Variants in GALNT13 observed in about 807,000 individuals in gnomAD.
GALNT13 encodes the protein UDP-GalNAc:polypeptide N-acetylgalactosaminyltransferase 13.
A neutral mutation model predicts 64.2 loss-of-function variants in GALNT13; 28 were observed. That is an observed-to-expected ratio of 0.44 (90% CI 0.32 to 0.60). The LOEUF is 0.60. Ranked by LOEUF, GALNT13 falls within the 20% of genes least tolerant of loss-of-function variation. GALNT13 has a pLI of 0.05. For synonymous variants in GALNT13, 214 were observed against 224.6 expected (o/e 0.95, Z 0.42); for missense variants, 577 against 669.8 (o/e 0.86, Z 1.53).
At chr2:153,306,650 T>C in the GALNT13 span, among the ~76,000 whole-genome samples, 2 of 152,220 alleles carry the variant, frequency 1.3e-5, 1 homozygote, top group South Asian at 4.1e-4. Context: ...ATACCCTATA[T>C]GCGATTTTTG....
At chr2:153,309,530 T>C in the GALNT13 span, among the ~76,000 whole-genome samples, 1 of 7,690 alleles carries the variant, frequency 1.3e-4, no homozygotes, top group African/African-American at 1.0e-3. Flanking sequence ...TTGAAGCACT[T>C]TTTTTTTTTT....
chr2:153,902,604 G>A (rs962629349), intron 2 of GALNT13, among the ~76,000 whole-genome samples: 4 of 152,018 alleles, frequency 2.6e-5, no homozygotes, highest in African/African-American at 7.2e-5. Context: ...ATTTGTAGAG[G>A]GATAAGAATG....
At chr2:154,046,780 T>C (rs1176641062) in intron 3 of GALNT13, among the ~76,000 whole-genome samples, 1 of 152,028 alleles carries the variant, frequency 6.6e-6, no homozygotes, top group Non-Finnish European at 1.5e-5. Context: ...AAAAGGAAGA[T>C]TAAAAGCCAT....
chr2:154,141,610 T>A (rs1683264778), intron 4 of GALNT13, among the ~76,000 whole-genome samples: 1 of 152,320 alleles, frequency 6.6e-6, no homozygotes, highest in East Asian at 1.9e-4. Flanking sequence ...TCATCATATA[T>A]GTGATCTGTC....
Position 154,012,496 on chromosome 2 carries a change from A to AT in GALNT13, c.142+67863dup, listed in dbSNP as rs1336697413. 2.0e-5 allele frequency among the ~76,000 whole-genome samples: 3 copies of AT among 151,616 alleles called. No homozygotes were observed. The East Asian group carries it at 5.8e-4, about 29-fold the overall frequency. On this transcript the variant is annotated intron_variant, in intron 3 of 12. Coordinates refer to ENST00000392825, the MANE Select transcript of GALNT13 (RefSeq NM_052917.4). ...CTGCCCCTTCTCTCTAGCTGCCTTT[A>AT]TTTTTTCTTTCATTATGACCCTGGA...
chr2:154,043,813 C>A (rs2105332521), intron 3 of GALNT13, among the ~76,000 whole-genome samples: 1 of 152,130 alleles, frequency 6.6e-6, no homozygotes, highest in East Asian at 1.9e-4. Context: ...TGAGTAAGAG[C>A]TAGGCTTGGC....
At chr2:153,493,559 G>A in the GALNT13 span, among the ~76,000 whole-genome samples, 1 of 151,696 alleles carries the variant, frequency 6.6e-6, no homozygotes, top group South Asian at 2.1e-4. Context: ...ATTTGAAGAG[G>A]AAATAAGACC....
At chr2:153,189,033 C>T in the GALNT13 span, among the ~76,000 whole-genome samples, 1 of 152,138 alleles carries the variant, frequency 6.6e-6, no homozygotes, top group Non-Finnish European at 1.5e-5. Flanking sequence ...TAATTATAGT[C>T]ACCATACTCT....
chr2:153,509,998 A>T, the GALNT13 span, among the ~76,000 whole-genome samples: 1 of 152,180 alleles, frequency 6.6e-6, no homozygotes, highest in Non-Finnish European at 1.5e-5. Context: ...GATTGCACTT[A>T]TTTGAGAAAT....
At chr2:153,575,670 G>T in the GALNT13 span, among the ~76,000 whole-genome samples, 1 of 152,174 alleles carries the variant, frequency 6.6e-6, no homozygotes, top group African/African-American at 2.4e-5. Flanking sequence ...GCCACAGGGA[G>T]TACTGCCAGA....
At chr2:153,927,829 T>A (rs1690254735) in intron 2 of GALNT13, among the ~76,000 whole-genome samples, 1 of 152,092 alleles carries the variant, frequency 6.6e-6, no homozygotes, top group Non-Finnish European at 1.5e-5. Context: ...TTTAATGAGT[T>A]GTTTTGTTTT....
intron 9 of GALNT13, among the ~76,000 whole-genome samples, chr2:154,356,503 A>G (rs1696758702): frequency 1.3e-5 from 2 of 152,042 alleles, no homozygotes; most frequent in African/African-American, 4.8e-5. Flanking sequence ...GATGTCACAG[A>G]GTATTCTACA....
intron 1 of GALNT13, among the ~76,000 whole-genome samples, chr2:153,884,785 A>ATATATATATATATATATATATATG (rs1450308010): frequency 2.9e-4 from 36 of 122,492 alleles, no homozygotes; most frequent in South Asian, 1.5e-3. Flanking sequence ...ATATATATAT[A>ATATATATATATATATATATATATG]TGTGTGTGTA....
At chr2:153,514,614 C>T in the GALNT13 span, among the ~76,000 whole-genome samples, 1 of 152,170 alleles carries the variant, frequency 6.6e-6, no homozygotes, top group Admixed American at 6.5e-5. Flanking sequence ...CTCCTCCGCA[C>T]TCTCCATCAT....
At chr2:153,968,595 T>C (rs960687813) in intron 3 of GALNT13, among the ~76,000 whole-genome samples, 4 of 152,240 alleles carry the variant, frequency 2.6e-5, no homozygotes, top group African/African-American at 9.6e-5. Flanking sequence ...TGGATAGTTG[T>C]TGAATTTGAT....
intron 11 of GALNT13, among the ~76,000 whole-genome samples, chr2:154,424,205 C>G (rs910511324): frequency 2.0e-5 from 3 of 152,054 alleles, no homozygotes. Flanking sequence ...TCTGAATAAA[C>G]TCTAGAGTTT....
intron 9 of GALNT13, among the ~76,000 whole-genome samples, chr2:154,342,428 T>C (rs1695822776): frequency 6.6e-6 from 1 of 152,112 alleles, no homozygotes; most frequent in African/African-American, 2.4e-5. Context: ...GCTTGGTTTA[T>C]ACCAGAGGTT....
intron 2 of GALNT13, among the ~76,000 whole-genome samples, chr2:153,924,513 A>G (rs758799180): frequency 6.6e-6 from 1 of 152,172 alleles, no homozygotes; most frequent in Non-Finnish European, 1.5e-5. Flanking sequence ...TAGTTCTGCA[A>G]TGAACATGTG....
chr2:153,401,642 A>G, the GALNT13 span, among the ~76,000 whole-genome samples: 2 of 150,830 alleles, frequency 1.3e-5, no homozygotes, highest in South Asian at 2.1e-4. Flanking sequence ...TAGGATAGTT[A>G]GCTCTTCTTG....
Sources: gnomAD v4.1 joint callset for allele counts (sites outside exome capture counted in the v4.1 genomes callset) on GRCh38, gnomAD v4.1.1 for gene constraint, MANE v1.5 for transcripts, NCBI Gene and HGNC (gene_info 2026-07-23, HGNC 2026-07-21) for gene names.